EHF: variants seen among roughly 807,000 people sequenced by gnomAD.
The protein encoded by EHF is ETS homologous factor, also known as ESE3 transcription factor.
In EHF, 14 loss-of-function variants were observed where a neutral mutation model predicts 45.1. The observed-to-expected ratio is 0.31, with a 90% CI of 0.21 to 0.49. EHF has a LOEUF of 0.49. Ranked by LOEUF, EHF falls within the 20% of genes least tolerant of loss-of-function variation. The probability of loss-of-function intolerance (pLI) is 0.99; values close to 1 mark genes in which losing one functional copy is unlikely to be tolerated. For synonymous variants in EHF, 136 were observed against 131.8 expected (o/e 1.03, Z -0.22); for missense variants, 282 against 371.4 (o/e 0.76, Z 1.98).
chr11:34,660,459 TAAGAAAGGA>T lies in EHF; in HGVS notation c.*1538_*1546del, dbSNP rs1856013857. ...ATTTTTTTTGTTTTGTTTTGTCTTT[TAAGAAAGGA>T]AAGAAAGGATGAAAAAAATAAACAG... On this transcript the variant is annotated 3_prime_UTR_variant, in exon 9 of 9. Coordinates refer to ENST00000257831, the MANE Select transcript of EHF (RefSeq NM_012153.6). The T allele has an allele frequency of 6.6e-6, 1 of 152,162 alleles. No individual in the cohort carries two copies. The highest frequency in any genetic ancestry group is 2.1e-4 in the South Asian group (1 of 4,814). 9.4% of individuals were successfully genotyped at this position (152,162 alleles called of 1,614,324 possible).
At chr11:34,631,430 G>A (rs1359107733) in intron 1 of EHF, 2 of 250,816 alleles carry the variant, frequency 8.0e-6, no homozygotes, top group Non-Finnish European at 1.3e-5. Flanking sequence ...CCATTTGGGC[G>A]ATTTGTTTAG....
chr11:34,651,771 G>A lies in EHF; in HGVS notation c.510G>A (p.Gln170=), dbSNP rs1855196917. The change falls in exon 6 of 9, where the codon CAG becomes CAA. Residue 170 remains glutamine (Q), a synonymous_variant. Transcript: ENST00000257831. The part of the protein sequence containing the change: ...LLDSKTFCRA[Q]ISMTTTSHLP... ...ACAGCAAAACTTTCTGCCGGGCTCAGATCTCCATGACAACCACCAGTCACC... is the reference window on the plus strand; with the variant it reads ...ACAGCAAAACTTTCTGCCGGGCTCAAATCTCCATGACAACCACCAGTCACC... 1.2e-6 allele frequency: 2 copies of A among 1,613,946 alleles called. No individual in the cohort carries two copies. The highest frequency in any genetic ancestry group is 1.7e-5 in the Admixed American group (1 of 59,996).
chr11:34,658,246 A>G (rs1478609405), intron 7 of EHF, among the ~76,000 whole-genome samples: 1 of 152,124 alleles, frequency 6.6e-6, no homozygotes, highest in Non-Finnish European at 1.5e-5. Context: ...CCTAAGACCT[A>G]TTGCTTAGTC....
At chr11:34,645,857 A>T (rs1193352754) in intron 2 of EHF, among the ~76,000 whole-genome samples, 1 of 152,202 alleles carries the variant, frequency 6.6e-6, no homozygotes, top group Non-Finnish European at 1.5e-5. Context: ...AAGGTAACTG[A>T]GTAGGGAAGT....
chr11:34,621,795 G>A (rs895653307), intron 1 of EHF, among the ~76,000 whole-genome samples: 1 of 152,230 alleles, frequency 6.6e-6, no homozygotes, highest in Non-Finnish European at 1.5e-5. Context: ...GCCAAGGCAG[G>A]CAGAGGTATT....
At chr11:34,628,532 T>C (rs1393360043) in intron 1 of EHF, among the ~76,000 whole-genome samples, 1 of 152,188 alleles carries the variant, frequency 6.6e-6, no homozygotes, top group Non-Finnish European at 1.5e-5. Context: ...TTGATAGATG[T>C]TCTCTGCCAA....
At position 34,622,210 on chromosome 11, in the gene EHF, C is replaced by T. The variant is rs1852028842; in HGVS notation, c.-4+982C>T. 10 of 225,078 alleles carry T rather than the reference C, an allele frequency of 4.4e-5. No homozygotes were observed. In the South Asian group the frequency reaches 5.3e-4, roughly 12 times the overall value. The allele number at this position is 225,078 out of a possible 1,614,324, so 13.9% of individuals were successfully genotyped here. A position where few individuals can be genotyped will look rare whatever the true frequency, so the allele number is the denominator to read the frequency against. On this transcript the variant is annotated intron_variant, in intron 1 of 8. Transcript: ENST00000257831. The stretch of plus-strand genomic sequence containing the variant: ...CTGAGGTGAGAAAGCGACATTTTCA[C>T]CGTCCATCTTTGCTGATTTACCATG...
At chr11:34,651,634 G>C in intron 5 of EHF, 24 bp downstream of exon 5, 1 of 1,610,888 alleles carries the variant, frequency 6.2e-7, no homozygotes, top group Non-Finnish European at 8.5e-7. Flanking sequence ...TGACACTTAA[G>C]GCCCTTTACA....
intron 2 of EHF, among the ~76,000 whole-genome samples, chr11:34,645,769 G>A (rs1205650997): frequency 6.6e-6 from 1 of 152,196 alleles, no homozygotes; most frequent in Non-Finnish European, 1.5e-5. Context: ...TTGGTTACTT[G>A]AAGAAGAGTT....
In EHF at chr11:34,656,941, C is replaced by T. The variant is rs1257901011; in HGVS notation, c.578C>T (p.Pro193Leu). Residue 193 changes from proline (P) to leucine (L), a missense_variant, in exon 7 of 9, where the codon CCC becomes CTC. Transcript: ENST00000257831. ...ESPDMKKEQDPPAKCHTKKHN... is the reference protein window; with the variant it reads ...ESPDMKKEQDLPAKCHTKKHN... The stretch of plus-strand genomic sequence containing the variant: ...CCTGATATGAAAAAGGAGCAAGACC[C>T]CCCTGCCAAGTGCCACACCAAAAAG... 4 of 1,613,512 alleles carry T rather than the reference C, an allele frequency of 2.5e-6. No homozygotes were observed. The highest frequency in any genetic ancestry group is 1.3e-5 in the African/African-American group (1 of 74,874).
intron 6 of EHF, among the ~76,000 whole-genome samples, chr11:34,653,147 TC>T (rs1855350151): frequency 0.013 from 1 of 80 alleles, no homozygotes; most frequent in Non-Finnish European, 0.05. Context: ...CCCACATCCT[TC>T]CATCCTTCCA....
chr11:34,633,837 G>A (rs1853132762), intron 1 of EHF, among the ~76,000 whole-genome samples: 1 of 152,114 alleles, frequency 6.6e-6, no homozygotes, highest in South Asian at 2.1e-4. Context: ...CTGTCAGTAT[G>A]TGCTGCCTAG....
intron 6 of EHF, among the ~76,000 whole-genome samples, chr11:34,656,530 C>T (rs1232965075): frequency 6.6e-6 from 1 of 152,062 alleles, no homozygotes. Context: ...CCTCTTACAG[C>T]ATGCATATAC....
At chr11:34,647,614 G>T (rs1407547979) in intron 3 of EHF, among the ~76,000 whole-genome samples, 1 of 152,204 alleles carries the variant, frequency 6.6e-6, no homozygotes, top group African/African-American at 2.4e-5. Flanking sequence ...TTTATGTCTT[G>T]GTAGAACCCA....
rs1434180929 is a variant in EHF, at chr11:34,659,547, CAAG to C, written c.*622_*624del. ...ACATGACTTGGAATGCTTAAATCAG[CAAG>C]AAGAATAATGGTGGGGTCTTTATAC... On this transcript the variant is annotated 3_prime_UTR_variant, in exon 9 of 9. Transcript: ENST00000257831. 2 of 152,178 alleles carry C rather than the reference CAAG, an allele frequency of 1.3e-5. No individual in the cohort carries two copies. The highest frequency in any genetic ancestry group is 1.9e-4 in the East Asian group (1 of 5,200). 9.4% of individuals were successfully genotyped at this position (152,178 alleles called of 1,614,324 possible).
At chr11:34,656,671 C>T (rs530106485) in intron 6 of EHF, among the ~76,000 whole-genome samples, 102 of 152,256 alleles carry the variant, frequency 6.7e-4, no homozygotes, top group African/African-American at 2.4e-3. Context: ...CTATGACCAC[C>T]TTGTATCAAA....
intron 1 of EHF, chr11:34,642,305 A>G (rs549148380): frequency 9.8e-4 from 175 of 178,366 alleles, no homozygotes; most frequent in African/African-American, 3.8e-3. Context: ...AAAAAAGAAA[A>G]AAAAAAACTG....
intron 7 of EHF, among the ~76,000 whole-genome samples, chr11:34,658,243 C>T (rs1855843943): frequency 6.6e-6 from 1 of 152,148 alleles, no homozygotes; most frequent in Admixed American, 6.5e-5. Flanking sequence ...AGACCTAAGA[C>T]CTATTGCTTA....
chr11:34,649,222 C>A, intron 4 of EHF, 141 bp downstream of exon 4: 1 of 759,258 alleles, frequency 1.3e-6, no homozygotes, highest in Non-Finnish European at 2.2e-6. Context: ...CTCTGATGGG[C>A]CACCCCCACC....
Sources: allele counts gnomAD v4.1 joint callset (sites outside exome capture counted in the v4.1 genomes callset), GRCh38; gene constraint gnomAD v4.1.1; transcripts MANE v1.5; gene names NCBI Gene and HGNC (gene_info 2026-07-23, HGNC 2026-07-21).